The following RAB11FIP4 variants were observed in gnomAD, a reference collection of about 807,000 sequenced individuals.
The protein encoded by RAB11FIP4 is rab11 family-interacting protein 4.
Under a neutral mutation model 74.3 loss-of-function variants are expected in RAB11FIP4, and 23 were observed. The observed-to-expected ratio is 0.31, with a 90% CI of 0.22 to 0.44. The LOEUF is 0.44. Among genes scored for constraint, RAB11FIP4 ranks in the 20% least tolerant of loss-of-function variants. RAB11FIP4 has a pLI of 1.00. For synonymous variants in RAB11FIP4, 360 were observed against 359.9 expected (o/e 1.00, Z 0.00); for missense variants, 630 against 863.9 (o/e 0.73, Z 3.39).
intron 3 of RAB11FIP4, chr17:31,488,267 A>G: frequency 8.5e-7 from 1 of 1,175,088 alleles, no homozygotes; most frequent in African/African-American, 1.6e-5. Flanking sequence ...AGCTCTCGGG[A>G]GCCAGGTAAG....
chr17:31,517,693 A>T lies in RAB11FIP4; in HGVS notation c.379A>T (p.Ile127Phe). Residue 127 changes from isoleucine (I) to phenylalanine (F), a missense_variant, in exon 4 of 15, where the codon ATC (isoleucine) becomes TTC (phenylalanine). By Grantham distance (21) the Ile-to-Phe change is conservative. Transcript: ENST00000621161. ...TGPTFADGEL[I>F]PREPGFFPED... The stretch of plus-strand genomic sequence containing the variant: ...CCCCACCTTTGCTGATGGCGAGCTC[A>T]TCCCCAGGGAACCCGGCTTTTTTCC... The T allele has an allele frequency of 6.2e-7, 1 of 1,607,520 alleles. No individual in the cohort carries two copies. Among genetic ancestry groups the T allele is most frequent in the Non-Finnish European group, 8.5e-7 (1 of 1,177,474 alleles).
Position 31,473,780 on chromosome 17 carries a change from G to A in RAB11FIP4, c.336+39658G>A, listed in dbSNP as rs147110769. On this transcript the variant is annotated intron_variant, in intron 3 of 14. Coordinates refer to ENST00000621161, the MANE Select transcript of RAB11FIP4 (RefSeq NM_032932.6). ...GGGCATGGAGGGAAACTTGACATTT[G>A]GGTGGTAAGCATGTTAATTTGAGCT... Among the ~76,000 whole-genome samples the A allele has an allele frequency of 4.9e-3, 748 of 152,292 alleles. 4 individuals are homozygous for A. The highest frequency in any genetic ancestry group is 0.023 in the South Asian group (109 of 4,832).
chr17:31,418,320 G>A (rs993301800), intron 1 of RAB11FIP4, among the ~76,000 whole-genome samples: 2 of 152,106 alleles, frequency 1.3e-5, no homozygotes, highest in South Asian at 2.1e-4. Context: ...CCCGGGAGGC[G>A]GAGGTTGCAG....
chr17:31,530,266 G>T, intron 13 of RAB11FIP4, 60 bp from the exon 14 acceptor site: 1 of 1,593,788 alleles, frequency 6.3e-7, no homozygotes, highest in South Asian at 1.1e-5. Context: ...GGAGAAGTGG[G>T]TTCCAGTGGG....
intron 7 of RAB11FIP4, 82 bp downstream of exon 7, chr17:31,522,477 A>T: frequency 1.4e-6 from 2 of 1,393,404 alleles, no homozygotes; most frequent in Non-Finnish European, 2.0e-6. Flanking sequence ...AGCAGCCCGG[A>T]CTCAGCTGGT....
At chr17:31,392,331 G>C (rs1024402023) in intron 1 of RAB11FIP4, 1 of 211,902 alleles carries the variant, frequency 4.7e-6, no homozygotes, top group African/African-American at 2.3e-5. Context: ...GGAGAGAGCT[G>C]CCAGAATCCG....
At chr17:31,416,712 G>A (rs1215078831) in intron 1 of RAB11FIP4, among the ~76,000 whole-genome samples, 1 of 152,176 alleles carries the variant, frequency 6.6e-6, no homozygotes, top group Non-Finnish European at 1.5e-5. Context: ...GAGGGACAGA[G>A]CTAGGGGCAG....
rs761556433 is a variant in RAB11FIP4, at chr17:31,536,300, G to C, written c.*4568G>C. 2 of 152,156 alleles carry C rather than the reference G, an allele frequency of 1.3e-5. No homozygotes were observed. The highest frequency in any genetic ancestry group is 2.9e-5 in the Non-Finnish European group (2 of 68,028). 9.4% of individuals were successfully genotyped at this position (152,156 alleles called of 1,614,324 possible). ...GCCTGAGCTCAGGAGTTCGAGACCA[G>C]CCTGGACAACATGGTGAAACTCTTG... On this transcript the variant is annotated 3_prime_UTR_variant, in exon 15 of 15. Coordinates refer to ENST00000621161, the MANE Select transcript of RAB11FIP4 (RefSeq NM_032932.6).
chr17:31,472,162 C>CA (rs35973497), intron 3 of RAB11FIP4, among the ~76,000 whole-genome samples: 28,364 of 142,290 alleles, frequency 0.2, 3,132 homozygotes, highest in African/African-American at 0.31. Flanking sequence ...AAGTCTGTCT[C>CA]AAAAAAAAAA....
chr17:31,452,020 T>G (rs1372308244), intron 3 of RAB11FIP4, among the ~76,000 whole-genome samples: 3 of 152,136 alleles, frequency 2.0e-5, no homozygotes, highest in Non-Finnish European at 4.4e-5. Context: ...AACCTTTGTC[T>G]TTGTGTTGGG....
intron 3 of RAB11FIP4, among the ~76,000 whole-genome samples, chr17:31,446,329 C>A (rs891488436): frequency 6.6e-6 from 1 of 152,114 alleles, no homozygotes; most frequent in Non-Finnish European, 1.5e-5. Flanking sequence ...CAGCTTCTGT[C>A]CCTTCTGGCA....
intron 1 of RAB11FIP4, among the ~76,000 whole-genome samples, chr17:31,410,196 T>C (rs1384087076): frequency 1.3e-5 from 2 of 152,012 alleles, no homozygotes; most frequent in Non-Finnish European, 2.9e-5. Flanking sequence ...TCTTTGGGGA[T>C]ATTTAGAAGA....
chr17:31,412,449 C>T (rs183942196), intron 1 of RAB11FIP4, among the ~76,000 whole-genome samples: 92 of 152,350 alleles, frequency 6.0e-4, no homozygotes, highest in African/African-American at 1.5e-3. Flanking sequence ...CTCAAACTTA[C>T]GGATTTCAGA....
chr17:31,407,176 C>T (rs560562431), intron 1 of RAB11FIP4, among the ~76,000 whole-genome samples: 1 of 149,590 alleles, frequency 6.7e-6, no homozygotes, highest in South Asian at 2.1e-4. Flanking sequence ...TCTTGAATAG[C>T]TGGGACTAAC....
In RAB11FIP4 at chr17:31,391,955, T is replaced by C; in HGVS notation, c.103T>C (p.Phe35Leu). 1 of 1,383,998 alleles carries C rather than the reference T, an allele frequency of 7.2e-7. No individual in the cohort carries two copies. 85.7% of individuals were successfully genotyped at this position (1,383,998 alleles called of 1,614,324 possible). ...GGTGTGCGGCCGCGACCCCGACGGC[T>C]TCCTGCGCGTGGAGCGCGTCGCGGC... Reference protein sequence around the residue: ...FEVCGRDPDGFLRVERVAALG... With the variant: ...FEVCGRDPDGLLRVERVAALG... The change falls in exon 1 of 15, where the codon TTC (phenylalanine) becomes CTC (leucine). Residue 35 changes from phenylalanine (F) to leucine (L), a missense_variant. By Grantham distance (22) the Phe-to-Leu change is conservative. Coordinates refer to ENST00000621161, the MANE Select transcript of RAB11FIP4 (RefSeq NM_032932.6).
At chr17:31,503,651 A>C (rs2072262426) in intron 3 of RAB11FIP4, among the ~76,000 whole-genome samples, 3 of 149,704 alleles carry the variant, frequency 2.0e-5, no homozygotes, top group Non-Finnish European at 4.4e-5. Flanking sequence ...TAGAGGCCGG[A>C]TCATTCTTAT....
At chr17:31,416,131 T>G (rs1030701908) in intron 1 of RAB11FIP4, among the ~76,000 whole-genome samples, 3 of 152,192 alleles carry the variant, frequency 2.0e-5, no homozygotes, top group Non-Finnish European at 2.9e-5. Flanking sequence ...CACTCAGGGA[T>G]TAGTGCTCTG....
intron 2 of RAB11FIP4, among the ~76,000 whole-genome samples, chr17:31,432,356 CTTTTT>C (rs749879395): frequency 1.4e-5 from 2 of 139,534 alleles, no homozygotes; most frequent in Non-Finnish European, 3.1e-5. Context: ...CCCGCCTCCT[CTTTTT>C]TTTTTTTTTT....
chr17:31,481,539 G>A (rs1048457415), intron 3 of RAB11FIP4, among the ~76,000 whole-genome samples: 2 of 152,156 alleles, frequency 1.3e-5, no homozygotes, highest in East Asian at 1.9e-4. Flanking sequence ...AGGTGTTTGG[G>A]GAAAGGAGAG....
Sources: gnomAD v4.1 joint callset for allele counts (sites outside exome capture counted in the v4.1 genomes callset) on GRCh38, gnomAD v4.1.1 for gene constraint, MANE v1.5 for transcripts, NCBI Gene and HGNC (gene_info 2026-07-23, HGNC 2026-07-21) for gene names.